The following MGAM variants were observed in gnomAD, a reference collection of about 807,000 sequenced individuals.
The protein encoded by MGAM is alpha-1,4-glucosidase.
A neutral mutation model predicts 358.8 loss-of-function variants in MGAM; 253 were observed. The ratio of observed to expected loss-of-function variants is 0.71; its 90% CI spans 0.64 to 0.78. MGAM has a LOEUF of 0.78. Ranked by LOEUF, MGAM falls within the 30% of genes least tolerant of loss-of-function variation. The pLI is 0.00. For synonymous variants in MGAM, 1,105 were observed against 1,227.1 expected (o/e 0.90, Z 2.08); for missense variants, 3,080 against 3,432.6 (o/e 0.90, Z 2.57).
In MGAM at chr7:142,032,854, T is replaced by C. The variant is rs782809080; in HGVS notation, c.1614T>C (p.Asp538=). The C allele has an allele frequency of 1.2e-6, 2 of 1,610,948 alleles. No individual in the cohort carries two copies. Among genetic ancestry groups the C allele is most frequent in the South Asian group, 2.2e-5 (2 of 90,458 alleles). The stretch of plus-strand genomic sequence containing the variant: ...TGAATGAAGTCTCCAACTTTGTTGA[T>C]GGTTCGGTCTCAGGATGTTCCACAA... The part of the protein sequence containing the change: ...IDMNEVSNFV[D]GSVSGCSTNN... The change falls in exon 14 of 71, where the codon GAT becomes GAC. Residue 538 remains aspartate (D), a synonymous_variant. Coordinates refer to ENST00000475668, the MANE Select transcript of MGAM (RefSeq NM_001365693.1).
upstream of MGAM, among the ~76,000 whole-genome samples, chr7:141,994,010 G>C (rs1804056942): frequency 6.6e-6 from 1 of 152,074 alleles, no homozygotes; most frequent in African/African-American, 2.4e-5. Flanking sequence ...TGAGTAGCTG[G>C]GATTACAGGC....
At chr7:142,044,270 A>T (rs1294671849) in intron 21 of MGAM, among the ~76,000 whole-genome samples, 2 of 56,384 alleles carry the variant, frequency 3.5e-5, no homozygotes, top group Non-Finnish European at 5.7e-5. Context: ...TAATATATAC[A>T]TTATATACAC....
chr7:142,038,052 C>T (rs10952512), intron 18 of MGAM, among the ~76,000 whole-genome samples: 7,971 of 152,032 alleles, frequency 0.052, 332 homozygotes, highest in Admixed American at 0.11. Context: ...CCTCCCAGCC[C>T]CTCACTACCC....
chr7:142,095,621 G>A lies in MGAM; in HGVS notation c.7515G>A (p.Leu2505=), dbSNP rs1371665669. The A allele has an allele frequency of 1.7e-5, 27 of 1,613,740 alleles. No homozygotes were observed. Among genetic ancestry groups the A allele is most frequent in the Non-Finnish European group, 2.2e-5 (26 of 1,179,808 alleles). The change falls in exon 64 of 71, where the codon CTG becomes CTA. Residue 2505 remains leucine, a synonymous_variant. Coordinates refer to ENST00000475668, the MANE Select transcript of MGAM (RefSeq NM_001365693.1). ...TTGTGAATATTTCCAGAACTGTCCT[G>A]CAGACCAGATACACCCTGTTGCCAT... The part of the protein sequence containing the change: ...VAFVNISRTV[L]QTRYTLLPYL...
chr7:142,054,478 A>T (rs1304277501), intron 26 of MGAM, among the ~76,000 whole-genome samples: 3 of 152,154 alleles, frequency 2.0e-5, no homozygotes, highest in African/African-American at 7.2e-5. Context: ...AACAAGTAAC[A>T]TATTCATAAA....
chr7:142,027,247 A>C lies in MGAM; in HGVS notation c.1095+20A>C. The C allele has an allele frequency of 6.4e-7, 1 of 1,550,850 alleles. No homozygotes were observed. Among genetic ancestry groups the C allele is most frequent in the Non-Finnish European group, 8.9e-7 (1 of 1,123,476 alleles). ...CTAGAGGTAAACTTAGGATGTCAAGATTATGACTCAGGAAATCCTAAACAG... is the reference window on the plus strand; with the variant it reads ...CTAGAGGTAAACTTAGGATGTCAAGCTTATGACTCAGGAAATCCTAAACAG... On this transcript the variant is annotated intron_variant, in intron 9 of 70. Transcript: ENST00000475668.
At chr7:142,058,651 A>G (rs1811798521) in intron 31 of MGAM, among the ~76,000 whole-genome samples, 2 of 152,332 alleles carry the variant, frequency 1.3e-5, no homozygotes, top group South Asian at 4.1e-4. Flanking sequence ...GTTTCATAAG[A>G]ATAAAGTATA....
chr7:142,054,908 T>C lies in MGAM; in HGVS notation c.3314T>C (p.Ile1105Thr), dbSNP rs1811347321. 2 of 1,613,622 alleles carry C rather than the reference T, an allele frequency of 1.2e-6. No individual in the cohort carries two copies. Among genetic ancestry groups the C allele is most frequent in the Non-Finnish European group, 1.7e-6 (2 of 1,179,684 alleles). ...EIRRKSTGTI[I>T]WDSQLLGFTF... ...CGCCGGAAGAGTACAGGCACTATAATGTGAGTGGCTTCTAGTGTGACTCAG... is the reference window on the plus strand; with the variant it reads ...CGCCGGAAGAGTACAGGCACTATAACGTGAGTGGCTTCTAGTGTGACTCAG... Residue 1105 changes from isoleucine (I) to threonine (T), a missense_variant and splice_region_variant, in exon 27 of 71, where the codon ATT becomes ACT. Physicochemically the swap from Ile to Thr is moderately conservative, Grantham distance 89. Coordinates refer to ENST00000475668, the MANE Select transcript of MGAM (RefSeq NM_001365693.1).
At chr7:142,024,087 A>G (rs565710836) in intron 7 of MGAM, among the ~76,000 whole-genome samples, 3 of 152,072 alleles carry the variant, frequency 2.0e-5, no homozygotes, top group Non-Finnish European at 2.9e-5. Flanking sequence ...TTAGCTGGGC[A>G]TGGTGGTGGC....
chr7:142,056,271 TAAG>T (rs1478579747), intron 29 of MGAM, among the ~76,000 whole-genome samples, 175 bp downstream of exon 29: 3 of 152,182 alleles, frequency 2.0e-5, no homozygotes, highest in African/African-American at 4.8e-5. Context: ...TATCATGTAA[TAAG>T]AAGATTTAAC....
At chr7:142,048,375 C>T (rs956984786) in intron 22 of MGAM, among the ~76,000 whole-genome samples, 5 of 151,782 alleles carry the variant, frequency 3.3e-5, no homozygotes, top group Middle Eastern at 3.4e-3. Flanking sequence ...ATCTCGATCT[C>T]CTAAATTCGT....
At chr7:141,988,783 C>T (rs56982032) in intron 2 of MGAM, among the ~76,000 whole-genome samples, 13,050 of 152,168 alleles carry the variant, frequency 0.086, 1,332 homozygotes, top group African/African-American at 0.24. Context: ...GAGTAGAAGA[C>T]GGTGTAAAGC....
intron 66 of MGAM, 100 bp from the exon 67 acceptor site, chr7:142,099,513 G>C (rs1816257178): frequency 6.4e-7 from 1 of 1,570,448 alleles, no homozygotes; most frequent in Non-Finnish European, 8.7e-7. Flanking sequence ...TGATGAGCAG[G>C]CATAAGTTCA....
chr7:142,085,446 C>A (rs184203158), intron 54 of MGAM, among the ~76,000 whole-genome samples: 1 of 145,620 alleles, frequency 6.9e-6, no homozygotes, highest in East Asian at 2.0e-4. Flanking sequence ...TGTATTAGCC[C>A]TGGGTAGTTA....
At chr7:142,010,350 C>G (rs969900342) in intron 3 of MGAM, among the ~76,000 whole-genome samples, 24 of 152,086 alleles carry the variant, frequency 1.6e-4, no homozygotes, top group Admixed American at 8.5e-4. Context: ...CTCGTTACCT[C>G]CTCACCAAAT....
Position 142,021,084 on chromosome 7 carries a change from G to T in MGAM, c.558+1G>T, listed in dbSNP as rs138090433. 1 of 1,578,894 alleles carries T rather than the reference G, an allele frequency of 6.3e-7. No homozygotes were observed. Among genetic ancestry groups the T allele is most frequent in the African/African-American group, 1.4e-5 (1 of 72,770 alleles). On this transcript the variant is annotated splice_donor_variant, in intron 5 of 70. Transcript: ENST00000475668. LOFTEE classifies it high-confidence loss of function. ...GACATCTAATCGTTTCCACTTTAAG[G>T]TTGTAATTTGTTTATTTTTTTTTAA... is the stretch of plus-strand genomic sequence containing the variant.
chr7:142,029,604 A>G (rs191792578), intron 10 of MGAM, among the ~76,000 whole-genome samples: 2 of 152,306 alleles, frequency 1.3e-5, no homozygotes, highest in Admixed American at 1.3e-4. Context: ...ATTGAACACT[A>G]TTACCTGAGT....
Position 142,077,114 on chromosome 7 carries a change from C to A in MGAM, c.5493+288C>A, listed in dbSNP as rs572174843. On this transcript the variant is annotated intron_variant, in intron 47 of 70. Coordinates refer to ENST00000475668, the MANE Select transcript of MGAM (RefSeq NM_001365693.1). ...CAAAAATAGAATAATTATGATGAGA[C>A]CCAGGAACAGCAAAGTTGGAAAGTG... is the stretch of plus-strand genomic sequence containing the variant. 3.9e-4 allele frequency among the ~76,000 whole-genome samples: 57 copies of A among 145,742 alleles called. 12 individuals are homozygous for A. The South Asian group carries it at 0.012, about 31-fold the overall frequency.
rs549657999 is a variant in MGAM, at chr7:141,988,629, T to C, written c.-2-16900T>C. Among the ~76,000 whole-genome samples the C allele has an allele frequency of 1.8e-4, 27 of 152,188 alleles. No individual in the cohort carries two copies. In the South Asian group the frequency reaches 5.4e-3, roughly 30 times the overall value. ...ATCCACCTGCTTCGGCCTCCCAAAG[T>C]GCTGGGATTACAGGCGTGAGCCACC... On this transcript the variant is annotated intron_variant, in intron 2 of 5. Transcript: ENST00000465654.
Sources: gnomAD v4.1 joint callset for allele counts (sites outside exome capture counted in the v4.1 genomes callset) on GRCh38, gnomAD v4.1.1 for gene constraint, MANE v1.5 for transcripts, NCBI Gene and HGNC (gene_info 2026-07-23, HGNC 2026-07-21) for gene names.